TENM3: variants seen among roughly 807,000 people sequenced by gnomAD.
TENM3 encodes the protein teneurin transmembrane protein 3.
A neutral mutation model predicts 255.1 loss-of-function variants in TENM3; 63 were observed. That is an observed-to-expected ratio of 0.25 (90% confidence interval 0.20 to 0.30). TENM3 has a LOEUF of 0.30. TENM3 is among the 10% of genes least tolerant of loss of function. The pLI is 1.00. For synonymous variants in TENM3, 1,306 were observed against 1,322.3 expected, an observed-to-expected ratio of 0.99 and a Z score of 0.27; for missense variants, 2,929 against 3,461.1, an observed-to-expected ratio of 0.85 and a Z score of 3.86.
the TENM3 span, among the ~76,000 whole-genome samples, chr4:181,842,223 A>G: frequency 6.6e-6 from 1 of 152,224 alleles, no homozygotes; most frequent in African/African-American, 2.4e-5. Flanking sequence ...CTTCCTAAAA[A>G]GAAAAGCTGG....
At chr4:182,269,137 A>T (rs575075520) in intron 1 of TENM3, among the ~76,000 whole-genome samples, 14 of 152,310 alleles carry the variant, frequency 9.2e-5, no homozygotes, top group African/African-American at 3.1e-4. Flanking sequence ...GACAGTTCGG[A>T]AATGCTAGTT....
chr4:182,051,468 C>G, the TENM3 span, among the ~76,000 whole-genome samples: 1 of 151,048 alleles, frequency 6.6e-6, no homozygotes, highest in African/African-American at 2.4e-5. Flanking sequence ...ACCTCCGCCT[C>G]CTGGGTTCAC....
chr4:181,650,643 G>A, the TENM3 span, among the ~76,000 whole-genome samples: 1 of 152,112 alleles, frequency 6.6e-6, no homozygotes, highest in African/African-American at 2.4e-5. Context: ...AATATGCAGT[G>A]ACTCAAAGAA....
chr4:182,628,998 G>C (rs1392615567), intron 5 of TENM3, 109 bp downstream of exon 5: 1 of 707,448 alleles, frequency 1.4e-6, no homozygotes, highest in Non-Finnish European at 2.3e-6. Context: ...ATTATATTTG[G>C]TGGGGGTGAG....
chr4:182,175,946 C>T (rs1245656879), intron 1 of TENM3, among the ~76,000 whole-genome samples: 3 of 148,550 alleles, frequency 2.0e-5, no homozygotes, highest in South Asian at 2.3e-4. Flanking sequence ...CATTGCAGTA[C>T]GGTAGCTCCG....
intron 1 of TENM3, among the ~76,000 whole-genome samples, chr4:182,198,585 C>T (rs1276429939): frequency 6.6e-6 from 1 of 152,222 alleles, no homozygotes; most frequent in Admixed American, 6.5e-5. Flanking sequence ...ACCTAAATTA[C>T]AAATGGCCCT....
chr4:181,766,696 T>A, the TENM3 span, among the ~76,000 whole-genome samples: 2 of 150,890 alleles, frequency 1.3e-5, no homozygotes, highest in African/African-American at 2.4e-5. Context: ...ACAAACACTG[T>A]ACCAACAGAA....
chr4:181,771,293 T>G, the TENM3 span, among the ~76,000 whole-genome samples: 1 of 152,158 alleles, frequency 6.6e-6, no homozygotes, highest in Non-Finnish European at 1.5e-5. Flanking sequence ...CTTGTACAAA[T>G]GGAGGGTATA....
At chr4:181,837,296 C>T in the TENM3 span, among the ~76,000 whole-genome samples, 3 of 152,100 alleles carry the variant, frequency 2.0e-5, no homozygotes, top group Admixed American at 6.6e-5. Flanking sequence ...TTAGAGTGAT[C>T]TCAGAATATT....
the TENM3 span, among the ~76,000 whole-genome samples, chr4:181,719,627 C>T: frequency 1.3e-5 from 2 of 152,156 alleles, no homozygotes. Flanking sequence ...TAATTATCTC[C>T]CAAAGGCCCC....
At chr4:182,530,317 C>A (rs1739640942) in intron 3 of TENM3, among the ~76,000 whole-genome samples, 1 of 152,158 alleles carries the variant, frequency 6.6e-6, no homozygotes, top group Non-Finnish European at 1.5e-5. Flanking sequence ...CGAAACACTG[C>A]AGATTTTAGT....
At chr4:182,325,245 G>T (rs78782105) in intron 2 of TENM3, among the ~76,000 whole-genome samples, 1 of 152,066 alleles carries the variant, frequency 6.6e-6, no homozygotes, top group Non-Finnish European at 1.5e-5. Context: ...TATTGGGCAG[G>T]AACACATTTA....
chr4:182,740,838 G>A (rs965161456), intron 18 of TENM3, among the ~76,000 whole-genome samples: 19 of 152,028 alleles, frequency 1.2e-4, no homozygotes, highest in African/African-American at 2.7e-4. Flanking sequence ...TGTAAAAACC[G>A]AACTTTCCAA....
At chr4:182,094,498 G>A in the TENM3 span, among the ~76,000 whole-genome samples, 11 of 152,258 alleles carry the variant, frequency 7.2e-5, no homozygotes, top group South Asian at 2.1e-4. Context: ...CGCCCGCCTC[G>A]GCATCCCAAA....
rs1762599027 is a variant in TENM3 at position 182,754,612 on chromosome 4, C to T, written c.4245C>T (p.Val1415=). Residue 1415 remains valine, a synonymous_variant, in exon 22 of 28, where the codon GTC becomes GTT. Transcript: ENST00000511685. This position sits in a 1 kb window ranked among gnomAD's most constrained non-coding sequence, Gnocchi z 5.1. ...CCATTGCTGTGTCCTACAGTGGGGT[C>T]CTGTACATTACTGAAACTGATGAGA... is the stretch of plus-strand genomic sequence containing the variant. The part of the protein sequence containing the change: ...ATAIAVSYSG[V]LYITETDEKK... The T allele has an allele frequency of 6.2e-7, 1 of 1,613,786 alleles. No homozygotes were observed. The highest frequency in any genetic ancestry group is 1.3e-5 in the African/African-American group (1 of 74,896).
At chr4:182,555,757 G>A (rs142698789) in intron 3 of TENM3, among the ~76,000 whole-genome samples, 3,778 of 151,806 alleles carry the variant, frequency 0.025, 74 homozygotes, top group Middle Eastern at 0.045. Flanking sequence ...TTGATTTTAT[G>A]ATTTGTAAAA....
intron 4 of TENM3, among the ~76,000 whole-genome samples, chr4:182,619,635 G>A (rs949985533): frequency 3.3e-4 from 48 of 144,752 alleles, no homozygotes; most frequent in Non-Finnish European, 6.3e-4. Context: ...CAGTTCCACC[G>A]TTCTTGTCTT....
the TENM3 span, among the ~76,000 whole-genome samples, chr4:181,555,957 C>T: frequency 6.6e-6 from 1 of 152,160 alleles, no homozygotes; most frequent in Non-Finnish European, 1.5e-5. Flanking sequence ...AATAACTAGC[C>T]AGTCTGCCAT....
At chr4:181,574,742 G>A in the TENM3 span, among the ~76,000 whole-genome samples, 3 of 152,060 alleles carry the variant, frequency 2.0e-5, no homozygotes, top group Non-Finnish European at 1.5e-5. Flanking sequence ...TTATATAGAA[G>A]CCGTAGGAAC....
Sources: gnomAD v4.1 joint callset for allele counts (sites outside exome capture counted in the v4.1 genomes callset) on GRCh38, gnomAD v4.1.1 for gene constraint, Gnocchi (gnomAD v3.1) non-coding constraint, MANE v1.5 for transcripts, NCBI Gene and HGNC (gene_info 2026-07-23, HGNC 2026-07-21) for gene names.